MYH13: variants seen among roughly 807,000 people sequenced by gnomAD.
MYH13 encodes the protein myosin-13.
MYH13 carries 177 observed loss-of-function variants against 232.1 expected under a neutral mutation model. That is an observed-to-expected ratio of 0.76 (90% CI 0.67 to 0.86). The LOEUF (loss-of-function observed/expected upper bound fraction) is 0.86. Ranked by LOEUF, MYH13 falls within the 40% of genes least tolerant of loss-of-function variation. The pLI is 0.00. For missense variants in MYH13, 2,246 were observed against 2,405.9 expected, an observed-to-expected ratio of 0.93 and a Z score of 1.39; for synonymous variants, 884 against 923.5, an observed-to-expected ratio of 0.96 and a Z score of 0.78.
intron 8 of MYH13, among the ~76,000 whole-genome samples, chr17:10,357,454 G>C (rs2071757834): frequency 6.6e-6 from 1 of 152,136 alleles, no homozygotes; most frequent in Non-Finnish European, 1.5e-5. Flanking sequence ...GCATAAAGTT[G>C]ATCTCTAATT....
At chr17:10,355,828 C>CTTTTTTTTTTTTTTTTTTTTTTT (rs61338527) in intron 8 of MYH13, among the ~76,000 whole-genome samples, 2 of 66,812 alleles carry the variant, frequency 3.0e-5, no homozygotes, top group Non-Finnish European at 5.2e-5. Flanking sequence ...TTCTGTCTGA[C>CTTTTTTTTTTTTTTTTTTTTTTT]TTTTTTTTTT....
At chr17:10,350,768 T>G (rs2071703271) in intron 11 of MYH13, 74 bp from the exon 12 acceptor site, 1 of 1,576,640 alleles carries the variant, frequency 6.3e-7, no homozygotes, top group Non-Finnish European at 8.7e-7. Flanking sequence ...GGCAAAGACC[T>G]TACCTCTTTT....
At chr17:10,302,319 C>T (rs1906121536) in intron 39 of MYH13, among the ~76,000 whole-genome samples, 1 of 152,142 alleles carries the variant, frequency 6.6e-6, no homozygotes, top group Non-Finnish European at 1.5e-5. Flanking sequence ...AGTCATTTGT[C>T]CAGGGCAGAC....
At chr17:10,323,180 C>T (rs1161806000) in intron 23 of MYH13, among the ~76,000 whole-genome samples, 2 of 152,114 alleles carry the variant, frequency 1.3e-5, no homozygotes, top group African/African-American at 4.8e-5. Context: ...GATCTATACA[C>T]CCAGGAGCAG....
chr17:10,306,318 C>T lies in MYH13; in HGVS notation c.5466+141G>A. The T allele has an allele frequency of 8.7e-7, 1 of 1,153,564 alleles. No homozygotes were observed. Among genetic ancestry groups the T allele is most frequent in the Non-Finnish European group, 1.2e-6 (1 of 811,658 alleles). 71.5% of individuals were successfully genotyped at this position (1,153,564 alleles called of 1,614,324 possible). A position where few individuals can be genotyped will look rare whatever the true frequency, so the allele number is the denominator to read the frequency against. On this transcript the variant is annotated intron_variant, in intron 37 of 40. Coordinates refer to ENST00000252172, the MANE Select transcript of MYH13 (RefSeq NM_003802.3). This position sits in a 1 kb window ranked among gnomAD's most constrained non-coding sequence, Gnocchi z 4.3. ...ACAGAAAGAGGTGAGAAATGAAGCT[C>T]ACAGGGAATTTTTCAAGCAGTCCTG... is the stretch of plus-strand genomic sequence containing the variant.
intron 8 of MYH13, among the ~76,000 whole-genome samples, chr17:10,357,158 C>T (rs976689483): frequency 4.0e-4 from 61 of 152,112 alleles, no homozygotes; most frequent in African/African-American, 1.3e-3. Flanking sequence ...GATGGGGTTT[C>T]GTCATGCTGG....
intron 23 of MYH13, among the ~76,000 whole-genome samples, chr17:10,322,347 G>A (rs768075249): frequency 1.5e-4 from 23 of 152,250 alleles, no homozygotes; most frequent in Non-Finnish European, 2.8e-4. Flanking sequence ...GCAGTGAGCT[G>A]AGATTGCACC....
chr17:10,319,461 A>G (rs561678920), intron 26 of MYH13, among the ~76,000 whole-genome samples: 1 of 150,594 alleles, frequency 6.6e-6, no homozygotes, highest in Non-Finnish European at 1.5e-5. Context: ...GTGAGCTGAG[A>G]TTGTGCCACT....
At position 10,329,807 on chromosome 17, in the gene MYH13, A is replaced by G. The variant is rs551089294; in HGVS notation, c.2435+580T>C. Reference sequence around the variant, plus strand: ...AGACCAGCCTGGCCAACATGGTGAAACCCCATCTCTAAAACAAAACAAAAC... The same window carrying G: ...AGACCAGCCTGGCCAACATGGTGAAGCCCCATCTCTAAAACAAAACAAAAC... On this transcript the variant is annotated intron_variant, in intron 21 of 40. Coordinates refer to ENST00000252172, the MANE Select transcript of MYH13 (RefSeq NM_003802.3). Among the ~76,000 whole-genome samples, 3 of 152,264 alleles carry G rather than the reference A, an allele frequency of 2.0e-5. No individual in the cohort carries two copies. In the East Asian group the frequency reaches 5.8e-4, roughly 29 times the overall value.
At chr17:10,315,863 T>C (rs1906689262) in intron 28 of MYH13, 36 bp downstream of exon 28, 1 of 1,613,938 alleles carries the variant, frequency 6.2e-7, no homozygotes, top group Non-Finnish European at 8.5e-7. Context: ...CCCTCTCCCA[T>C]GGCCCGGCTG....
rs1201253373 is a variant in MYH13, at chr17:10,332,331, T to C, written c.2175-109A>G. 2.8e-6 allele frequency: 4 copies of C among 1,403,778 alleles called. No homozygotes were observed. In the African/African-American group the frequency reaches 5.6e-5, roughly 20 times the overall value. 87.0% of individuals were successfully genotyped at this position (1,403,778 alleles called of 1,614,324 possible). On this transcript the variant is annotated intron_variant, in intron 19 of 40. Coordinates refer to ENST00000252172, the MANE Select transcript of MYH13 (RefSeq NM_003802.3). ...GCTCAAGCCTTAGGAGGAAGTGGAATACTGTACAGCTGGTCTGGGAGATGG... is the reference window on the plus strand; with the variant it reads ...GCTCAAGCCTTAGGAGGAAGTGGAACACTGTACAGCTGGTCTGGGAGATGG...
rs17743781 is a variant in MYH13, at chr17:10,371,763, G to A, written c.-63-504C>T. 5.6e-3 allele frequency among the ~76,000 whole-genome samples: 860 copies of A among 152,244 alleles called. 3 individuals carry two copies. The highest frequency in any genetic ancestry group is 8.1e-3 in the Non-Finnish European group (548 of 68,018). On this transcript the variant is annotated intron_variant, in intron 1 of 40. Transcript: ENST00000252172. ...ATTGCAGCTTGGATGCTTAGGGGCA[G>A]TCACCTTTTTTTGGCAATAGGAGAA...
chr17:10,301,119 A>G (rs1223412960), intron 40 of MYH13, among the ~76,000 whole-genome samples, 154 bp from the exon 41 acceptor site: 2 of 152,202 alleles, frequency 1.3e-5, no homozygotes, highest in East Asian at 1.9e-4. Flanking sequence ...AAGCAAATCA[A>G]TCTAGCTACT....
chr17:10,311,007 T>TA, intron 33 of MYH13, 96 bp downstream of exon 33: 1 of 1,488,076 alleles, frequency 6.7e-7, no homozygotes, highest in Admixed American at 2.0e-5. Context: ...AGACTCAGGG[T>TA]CTCCTGGCAG....
intron 3 of MYH13, 107 bp downstream of exon 3, chr17:10,364,220 T>C: frequency 2.5e-6 from 3 of 1,177,614 alleles, no homozygotes; most frequent in Non-Finnish European, 3.7e-6. Flanking sequence ...AACTAAGTTT[T>C]GTTCTGTCTT....
chr17:10,363,058 TG>T lies in MYH13; in HGVS notation c.205-556del, dbSNP rs148745331. ...CCTCTGCTCTAATAGTTCAGACATT[TG>T]GGGGTGCATCATGGTTCTTTGCTGA... On this transcript the variant is annotated intron_variant, in intron 3 of 40. Coordinates refer to ENST00000252172, the MANE Select transcript of MYH13 (RefSeq NM_003802.3). Among the ~76,000 whole-genome samples the T allele has an allele frequency of 9.5e-3, 1,443 of 152,234 alleles. 25 individuals carry two copies. Among genetic ancestry groups the T allele is most frequent in the African/African-American group, 0.033 (1,376 of 41,526 alleles).
At chr17:10,371,740 T>C (rs2071879282) in intron 1 of MYH13, among the ~76,000 whole-genome samples, 1 of 152,108 alleles carries the variant, frequency 6.6e-6, no homozygotes, top group East Asian at 1.9e-4. Flanking sequence ...TGCTCCAGAT[T>C]GCAGCTTGGA....
In MYH13 at chr17:10,306,758, TC is replaced by T; in HGVS notation, c.5296-130del. The T allele has an allele frequency of 6.6e-7, 1 of 1,519,968 alleles. No individual in the cohort carries two copies. The highest frequency in any genetic ancestry group is 8.8e-7 in the Non-Finnish European group (1 of 1,134,378). The allele number at this position is 1,519,968 out of a possible 1,614,324, so 94.2% of individuals were successfully genotyped here. ...CTGACTGGGGCCAGTCATTGCTGAT[TC>T]CCCACAGCCTCCCCTCCCACTTTGC... On this transcript the variant is annotated intron_variant, in intron 36 of 40. Coordinates refer to ENST00000252172, the MANE Select transcript of MYH13 (RefSeq NM_003802.3). This position sits in a 1 kb window ranked among gnomAD's most constrained non-coding sequence, Gnocchi z 4.3.
intron 12 of MYH13, among the ~76,000 whole-genome samples, chr17:10,349,326 A>C (rs8081896): frequency 0.15 from 23,162 of 151,744 alleles, 1,892 homozygotes; most frequent in East Asian, 0.27. Context: ...GTCTTGACCT[A>C]TAACCTCAGA....
Sources: allele counts gnomAD v4.1 joint callset (sites outside exome capture counted in the v4.1 genomes callset), GRCh38; gene constraint gnomAD v4.1.1; non-coding constraint Gnocchi (gnomAD v3.1); transcripts MANE v1.5; gene names NCBI Gene and HGNC (gene_info 2026-07-23, HGNC 2026-07-21).